Variants in TRPV1 observed in about 807,000 individuals in gnomAD.
TRPV1 encodes OTRPC1.
Under a neutral mutation model 82.3 loss-of-function variants are expected in TRPV1, and 82 were observed. That is an observed-to-expected ratio of 1.00 (90% confidence interval 0.83 to 1.20). The LOEUF (loss-of-function observed/expected upper bound fraction) is 1.20, where lower values mean the gene tolerates loss of function less well. Ranked by LOEUF, TRPV1 falls within the 50% of genes most tolerant of loss-of-function variation. The pLI, the probability that TRPV1 is intolerant of heterozygous loss-of-function variation, is 0.00. For missense variants in TRPV1, 1,067 were observed against 1,096.8 expected (o/e 0.97, Z 0.38); for synonymous variants, 515 against 467.7 (o/e 1.10, Z -1.30).
intron 6 of TRPV1, 28 bp from the exon 7 acceptor site, chr17:3,590,133 C>T (rs1392186914): frequency 6.3e-7 from 1 of 1,590,230 alleles, no homozygotes; most frequent in Non-Finnish European, 8.6e-7. Context: ...CCAGGTGGGC[C>T]TCAGGAGTGA....
intron 2 of TRPV1, among the ~76,000 whole-genome samples, chr17:3,599,037 G>A (rs1230034275): frequency 6.7e-6 from 1 of 150,136 alleles, no homozygotes; most frequent in East Asian, 2.0e-4. Flanking sequence ...TCAGGAGTTT[G>A]AGACCAGGCC....
At chr17:3,586,153 G>T (rs1274886687) in intron 8 of TRPV1, among the ~76,000 whole-genome samples, 2 of 152,220 alleles carry the variant, frequency 1.3e-5, no homozygotes, top group East Asian at 1.9e-4. Flanking sequence ...GTCCCCAGAG[G>T]TGCAGTGAAT....
Position 3,592,290 on chromosome 17 carries a change from AG to A in TRPV1, c.60del (p.Cys21AlafsTer140). The A allele has an allele frequency of 6.2e-7, 1 of 1,603,678 alleles. No individual in the cohort carries two copies. Among genetic ancestry groups the A allele is most frequent in the Non-Finnish European group, 8.5e-7 (1 of 1,175,010 alleles). ...GGGTCTCCATCCAGGGGGTCTGGGC[AG>A]GTGTCCTTTTGGAGTGGGTCCGCAG... is the stretch of plus-strand genomic sequence containing the variant. ...GAAADPLQKD[T>X]CPDPLDGDPN... On this transcript the variant is annotated frameshift_variant, in exon 3 of 17. Transcript: ENST00000572705. LOFTEE classifies it high-confidence loss of function.
intron 11 of TRPV1, among the ~76,000 whole-genome samples, chr17:3,580,139 C>T (rs1307175561): frequency 2.6e-5 from 4 of 151,314 alleles, no homozygotes; most frequent in South Asian, 2.1e-4. Flanking sequence ...CAAAGGCGGG[C>T]GCCATGTCTG....
intron 11 of TRPV1, among the ~76,000 whole-genome samples, chr17:3,579,950 G>A (rs1009709389): frequency 2.9e-4 from 29 of 99,378 alleles, no homozygotes; most frequent in African/African-American, 7.2e-4. Flanking sequence ...GGCGACTGGG[G>A]GATGGGGAAG....
Position 3,573,882 on chromosome 17 carries a change from C to T in TRPV1, c.1854G>A (p.Gly618=), listed in dbSNP as rs770755139. ...PSESTSHRWR[G]PACRPPDSSY... ...AGCTATCGGGGGGCCTGCAGGCAGGCCCCCGCCACCTGTGCGACGTGGACT... is the reference window on the plus strand; with the variant it reads ...AGCTATCGGGGGGCCTGCAGGCAGGTCCCCGCCACCTGTGCGACGTGGACT... The change falls in exon 14 of 17, where the codon GGG becomes GGA. Residue 618 remains glycine (G), a synonymous_variant. Transcript: ENST00000572705. The T allele has an allele frequency of 6.2e-7, 1 of 1,605,884 alleles. No homozygotes were observed. The highest frequency in any genetic ancestry group is 1.7e-5 in the Admixed American group (1 of 58,432).
At position 3,583,826 on chromosome 17, in the gene TRPV1, A is replaced by T. The variant is rs1597531597; in HGVS notation, c.1384-396T>A. 4.0e-5 allele frequency among the ~76,000 whole-genome samples: 6 copies of T among 151,882 alleles called. 1 individual carries two copies. ...GGCCAGTCTCCCACGAGTGTCAGGGACTCCCACTGACCATGGAGGGAGAGA... is the reference window on the plus strand; with the variant it reads ...GGCCAGTCTCCCACGAGTGTCAGGGTCTCCCACTGACCATGGAGGGAGAGA... On this transcript the variant is annotated intron_variant, in intron 9 of 16. Transcript: ENST00000572705.
intron 16 of TRPV1, among the ~76,000 whole-genome samples, chr17:3,571,043 TC>T (rs1357231052): frequency 1.3e-5 from 2 of 152,160 alleles, no homozygotes; most frequent in Non-Finnish European, 2.9e-5. Flanking sequence ...GCTCAAGGCA[TC>T]CCCTTTCTTC....
intron 13 of TRPV1, among the ~76,000 whole-genome samples, chr17:3,576,668 A>AAAATAT: frequency 7.8e-5 from 3 of 38,426 alleles, no homozygotes; most frequent in African/African-American, 1.5e-4. Flanking sequence ...AAAAAAAAAA[A>AAAATAT]ATATATATAT....
In TRPV1 at chr17:3,591,236, C is replaced by T; in HGVS notation, c.402G>A (p.Leu134=). The T allele has an allele frequency of 1.2e-6, 2 of 1,613,094 alleles. No homozygotes were observed. The highest frequency in any genetic ancestry group is 1.7e-5 in the Admixed American group (1 of 59,914). Residue 134 remains leucine, a synonymous_variant, in exon 4 of 17, where the codon CTG becomes CTA. Transcript: ENST00000572705. ...GCTTCTTGCTCTTCTGCAGGAAGAG[C>T]AGCAGGCTCTCCAGATCCTGGCAGT... ...QNNCQDLESL[L]LFLQKSKKHL...
intron 9 of TRPV1, among the ~76,000 whole-genome samples, chr17:3,584,402 C>CAAGAAAAAAAAAAAA (rs2075057678): frequency 3.6e-4 from 6 of 16,774 alleles, no homozygotes; most frequent in African/African-American, 1.4e-3. Flanking sequence ...GACTCTGTCT[C>CAAGAAAAAAAAAAAA]AAAAAAAAAA....
rs1172386984 is a variant in TRPV1 at position 3,566,993 on chromosome 17, G to C, written c.2348-6C>G. ...CTTCCAGTGTCTGCCTGAAACTGAA[G>C]GGTAACACTATTACTACCTTGGATG... On this transcript the variant is annotated splice_polypyrimidine_tract_variant and splice_region_variant and intron_variant, in intron 16 of 16. Coordinates refer to ENST00000572705, the MANE Select transcript of TRPV1 (RefSeq NM_080704.4). The C allele has an allele frequency of 1.2e-6, 2 of 1,613,538 alleles. No individual in the cohort carries two copies. Among genetic ancestry groups the C allele is most frequent in the Non-Finnish European group, 1.7e-6 (2 of 1,179,736 alleles).
intron 10 of TRPV1, among the ~76,000 whole-genome samples, chr17:3,581,019 A>AC (rs2075003078): frequency 6.6e-6 from 1 of 150,886 alleles, no homozygotes; most frequent in South Asian, 2.1e-4. Flanking sequence ...TCCATCTCAA[A>AC]AAAAAAAAAA....
chr17:3,599,841 G>A (rs564086967), intron 2 of TRPV1, among the ~76,000 whole-genome samples: 5 of 152,040 alleles, frequency 3.3e-5, no homozygotes, highest in Middle Eastern at 6.8e-3. Flanking sequence ...GGCGGGTCTC[G>A]ATCTCCTGAC....
chr17:3,602,513 T>C (rs969372319), intron 2 of TRPV1, among the ~76,000 whole-genome samples: 2 of 152,236 alleles, frequency 1.3e-5, no homozygotes, highest in Admixed American at 6.5e-5. Flanking sequence ...TATGTAATGA[T>C]GTACCCATTA....
rs779727792 is a variant in TRPV1, at chr17:3,591,015, C to A, written c.553G>T (p.Asp185Tyr). 1 of 1,611,340 alleles carries A rather than the reference C, an allele frequency of 6.2e-7. No homozygotes were observed. The highest frequency in any genetic ancestry group is 1.7e-5 in the Admixed American group (1 of 59,558). ...PLLLEIARQT[D>Y]SLKELVNASY... is the part of the protein sequence containing the mutation. ...GCGTTGACAAGCTCCTTCAGGCTGT[C>A]CGTTTGCCGCGCGATCTCCAGGAGC... Residue 185 changes from aspartate to tyrosine, a missense_variant, in exon 5 of 17, where the codon GAC becomes TAC. Physicochemically the swap from Asp to Tyr is radical, Grantham distance 160 (BLOSUM62 -3). Coordinates refer to ENST00000572705, the MANE Select transcript of TRPV1 (RefSeq NM_080704.4).
rs60012073 is a variant in TRPV1 at position 3,576,418 on chromosome 17, C to T, written c.1780+708G>A. ...CTGTAATCCCAGCACTTTGGGAGGC[C>T]GAGGCAGGCGGATCACGAGGTCAGG... On this transcript the variant is annotated intron_variant, in intron 13 of 16. Transcript: ENST00000572705. 5.4e-3 allele frequency among the ~76,000 whole-genome samples: 814 copies of T among 151,308 alleles called. 9 individuals carry two copies. Among genetic ancestry groups the T allele is most frequent in the African/African-American group, 0.013 (554 of 41,256 alleles).
intron 15 of TRPV1, 49 bp from the exon 16 acceptor site, chr17:3,571,688 G>T (rs373419690): frequency 1.2e-5 from 17 of 1,463,186 alleles, no homozygotes; most frequent in East Asian, 2.4e-5. Context: ...CCAGCTTCCC[G>T]GGCCAAGGGC....
intron 12 of TRPV1, among the ~76,000 whole-genome samples, 185 bp downstream of exon 12, chr17:3,577,413 C>G (rs2074947896): frequency 6.6e-6 from 1 of 152,138 alleles, no homozygotes; most frequent in Non-Finnish European, 1.5e-5. Context: ...GGTCAGGTTT[C>G]AGGGGACCCC....
Sources: allele counts gnomAD v4.1 joint callset (sites outside exome capture counted in the v4.1 genomes callset), GRCh38; gene constraint gnomAD v4.1.1; transcripts MANE v1.5; gene names NCBI Gene and HGNC (gene_info 2026-07-23, HGNC 2026-07-21).